CDH12: variants seen among roughly 807,000 people sequenced by gnomAD.
CDH12 encodes cadherin 12.
CDH12 carries 41 observed loss-of-function variants against 74.1 expected under a neutral mutation model. The ratio of observed to expected loss-of-function variants is 0.55; its 90% CI spans 0.43 to 0.72. The LOEUF (loss-of-function observed/expected upper bound fraction) is 0.72. Ranked by LOEUF, CDH12 falls within the 30% of genes least tolerant of loss-of-function variation. The probability of loss-of-function intolerance (pLI) is 0.00; values close to 1 mark genes in which losing one functional copy is unlikely to be tolerated. For missense variants in CDH12, 945 were observed against 977.2 expected, an observed-to-expected ratio of 0.97 and a Z score of 0.44; for synonymous variants, 399 against 355.0, an observed-to-expected ratio of 1.12 and a Z score of -1.39.
At chr5:22,592,240 G>T (rs1275647934) in intron 1 of CDH12, among the ~76,000 whole-genome samples, 2 of 152,164 alleles carry the variant, frequency 1.3e-5, no homozygotes, top group African/African-American at 4.8e-5. Context: ...AATCACTGTT[G>T]TGAACATAAT....
Position 22,257,864 on chromosome 5 carries a change from C to T in CDH12, c.-332-45221G>A, listed in dbSNP as rs113328982. 7.3e-3 allele frequency among the ~76,000 whole-genome samples: 1,109 copies of T among 152,058 alleles called. 15 individuals carry two copies. The South Asian group carries it at 0.076, about 10-fold the overall frequency. ...CTTGAACAGTAGGATATAAATAACTCCCACAAGCTTAGCGTTCCAATAGTG... is the reference window on the plus strand; with the variant it reads ...CTTGAACAGTAGGATATAAATAACTTCCACAAGCTTAGCGTTCCAATAGTG... On this transcript the variant is annotated intron_variant, in intron 3 of 14. Transcript: ENST00000382254.
intron 1 of CDH12, among the ~76,000 whole-genome samples, chr5:22,764,913 G>A (rs770253855): frequency 2.2e-4 from 34 of 152,054 alleles, no homozygotes; most frequent in Middle Eastern, 6.8e-3. Context: ...ATAAGACGAC[G>A]GAATGCATTG....
intron 1 of CDH12, among the ~76,000 whole-genome samples, chr5:22,661,463 C>T (rs1005893409): frequency 6.6e-6 from 1 of 152,072 alleles, no homozygotes; most frequent in East Asian, 1.9e-4. Context: ...CGTACAGAGA[C>T]TATTTTTTAG....
At chr5:22,129,315 G>T (rs549931352) in intron 4 of CDH12, among the ~76,000 whole-genome samples, 78 of 152,232 alleles carry the variant, frequency 5.1e-4, no homozygotes, top group African/African-American at 1.9e-3. Flanking sequence ...TGGAATTGTT[G>T]CAAGGGTGAA....
chr5:22,701,262 AG>A (rs1742699479), intron 1 of CDH12, among the ~76,000 whole-genome samples: 1 of 152,162 alleles, frequency 6.6e-6, no homozygotes, highest in South Asian at 2.1e-4. Context: ...CTCCCATATC[AG>A]CAAATTGCAC....
intron 3 of CDH12, among the ~76,000 whole-genome samples, chr5:22,367,734 A>C (rs958001380): frequency 1.3e-5 from 2 of 152,180 alleles, no homozygotes; most frequent in South Asian, 4.1e-4. Flanking sequence ...CTAATAGTAG[A>C]GATAACACCT....
chr5:22,457,952 C>G lies in CDH12; in HGVS notation c.-428+47318G>C, dbSNP rs549606427. Among the ~76,000 whole-genome samples, 30 of 152,204 alleles carry G rather than the reference C, an allele frequency of 2.0e-4. No individual in the cohort carries two copies. The South Asian group carries it at 3.7e-3, about 19-fold the overall frequency. On this transcript the variant is annotated intron_variant, in intron 2 of 14. Coordinates refer to ENST00000382254, the MANE Select transcript of CDH12 (RefSeq NM_004061.5). ...TAAAGACGGGGTTTCACCACCTTGG[C>G]CAGGCTGGTCTCGAACTCCTGACCT...
Position 22,713,730 on chromosome 5 carries a change from C to G in CDH12, c.-523+139328G>C, listed in dbSNP as rs530419499. On this transcript the variant is annotated intron_variant, in intron 1 of 14. Coordinates refer to ENST00000382254, the MANE Select transcript of CDH12 (RefSeq NM_004061.5). ...GAGGGTGTGTGTATGTGTGTGTGTG[C>G]CTGTGTTATTAAACACATTATTTTA... Among the ~76,000 whole-genome samples, 25 of 151,834 alleles carry G rather than the reference C, an allele frequency of 1.6e-4. 1 individual carries two copies. The highest frequency in any genetic ancestry group is 3.5e-4 in the Non-Finnish European group (24 of 67,930).
intron 1 of CDH12, 36 bp downstream of exon 1, chr5:22,853,022 A>T (rs1737625526): frequency 6.6e-6 from 1 of 152,268 alleles, no homozygotes. Flanking sequence ...GATCACACAC[A>T]CGCGGTGCAA....
chr5:22,411,077 A>G (rs189876108), intron 2 of CDH12, among the ~76,000 whole-genome samples: 1 of 152,184 alleles, frequency 6.6e-6, no homozygotes, highest in Admixed American at 6.6e-5. Flanking sequence ...ATTGTAAAGT[A>G]TGTAGAGATA....
chr5:22,787,773 C>G (rs1747710189), intron 1 of CDH12, among the ~76,000 whole-genome samples: 1 of 152,124 alleles, frequency 6.6e-6, no homozygotes. Flanking sequence ...GCACATACGG[C>G]TGTTAGCAGG....
At chr5:22,677,225 A>C (rs2126923148) in intron 1 of CDH12, among the ~76,000 whole-genome samples, 1 of 152,266 alleles carries the variant, frequency 6.6e-6, no homozygotes, top group Non-Finnish European at 1.5e-5. Flanking sequence ...CTCTGTCTCA[A>C]GGTAAGTGCC....
At chr5:21,964,867 G>A (rs922548127) in intron 6 of CDH12, among the ~76,000 whole-genome samples, 1 of 151,990 alleles carries the variant, frequency 6.6e-6, no homozygotes, top group African/African-American at 2.4e-5. Context: ...CTTAGGTATA[G>A]ACTAGACTAT....
chr5:22,462,708 C>T (rs763483398), intron 2 of CDH12, among the ~76,000 whole-genome samples: 1 of 152,082 alleles, frequency 6.6e-6, no homozygotes, highest in Non-Finnish European at 1.5e-5. Context: ...GGAATGTTTA[C>T]AAACTTGTGG....
At chr5:22,611,535 G>T (rs1737400671) in intron 1 of CDH12, among the ~76,000 whole-genome samples, 1 of 152,096 alleles carries the variant, frequency 6.6e-6, no homozygotes, top group South Asian at 2.1e-4. Flanking sequence ...CAGGAACAAT[G>T]CAGTACCCCT....
At chr5:22,135,491 T>G (rs1220050837) in intron 4 of CDH12, among the ~76,000 whole-genome samples, 1 of 152,068 alleles carries the variant, frequency 6.6e-6, no homozygotes, top group African/African-American at 2.4e-5. Context: ...TCTGATATTT[T>G]TATTCATTTA....
At chr5:22,147,949 ACC>A (rs1289207341) in intron 4 of CDH12, among the ~76,000 whole-genome samples, 1 of 152,156 alleles carries the variant, frequency 6.6e-6, no homozygotes, top group East Asian at 1.9e-4. Context: ...TCTGTGCACA[ACC>A]TCAGAGTTGG....
Position 22,140,575 on chromosome 5 carries a change from C to A in CDH12, c.-186-61713G>T, listed in dbSNP as rs187261167. Among the ~76,000 whole-genome samples, 246 of 152,172 alleles carry A rather than the reference C, an allele frequency of 1.6e-3. 3 individuals carry two copies. The highest frequency in any genetic ancestry group is 5.7e-3 in the African/African-American group (237 of 41,524). On this transcript the variant is annotated intron_variant, in intron 4 of 14. Coordinates refer to ENST00000382254, the MANE Select transcript of CDH12 (RefSeq NM_004061.5). ...ATATGTATAAACTAAGAATTTTAGT[C>A]TATAAACTTACAGCAAATATTGACA...
chr5:22,398,895 A>G (rs975168932), intron 3 of CDH12, among the ~76,000 whole-genome samples: 4 of 152,046 alleles, frequency 2.6e-5, no homozygotes, highest in Admixed American at 6.6e-5. Context: ...GAGTTTCTCT[A>G]CTGTGGTAGA....
Sources: allele counts gnomAD v4.1 joint callset (sites outside exome capture counted in the v4.1 genomes callset), GRCh38; gene constraint gnomAD v4.1.1; transcripts MANE v1.5; gene names NCBI Gene and HGNC (gene_info 2026-07-23, HGNC 2026-07-21).